The following SCNN1B variants were observed in gnomAD, a reference collection of about 807,000 sequenced individuals.
SCNN1B encodes sodium channel epithelial 1 subunit beta, also known as epithelial sodium channel subunit beta.
Under a neutral mutation model 65.3 loss-of-function variants are expected in SCNN1B, and 46 were observed. The observed-to-expected ratio is 0.70, with a 90% confidence interval of 0.56 to 0.90. The LOEUF (loss-of-function observed/expected upper bound fraction) is 0.90. SCNN1B is among the 40% of genes least tolerant of loss of function. The probability of loss-of-function intolerance (pLI) is 0.00; values close to 1 mark genes in which losing one functional copy is unlikely to be tolerated. For missense variants in SCNN1B, 751 were observed against 830.5 expected (o/e 0.90, Z 1.18); for synonymous variants, 349 against 330.6 (o/e 1.06, Z -0.60).
At chr16:23,289,465 C>T (rs552909510) in intron 2 of SCNN1B, among the ~76,000 whole-genome samples, 1 of 151,734 alleles carries the variant, frequency 6.6e-6, no homozygotes, top group Non-Finnish European at 1.5e-5. Context: ...GCTGGAGGAT[C>T]GATTAAGCCC....
chr16:23,295,951 A>G (rs1960991031), intron 2 of SCNN1B, among the ~76,000 whole-genome samples: 2 of 152,180 alleles, frequency 1.3e-5, no homozygotes, highest in Admixed American at 1.3e-4. Flanking sequence ...ATGGAAAAGT[A>G]TGCGCTCTGA....
chr16:23,283,675 T>C (rs1157732893), intron 1 of SCNN1B: 1 of 145,562 alleles, frequency 6.9e-6, no homozygotes, highest in Non-Finnish European at 1.6e-5. Flanking sequence ...ACAAAACCAT[T>C]GTAGGCAATT....
At chr16:23,314,045 G>A (rs1247875919) in intron 1 of SCNN1B, among the ~76,000 whole-genome samples, 2 of 151,960 alleles carry the variant, frequency 1.3e-5, no homozygotes, top group Admixed American at 1.3e-4. Context: ...GTTGAGATAG[G>A]GTCTCACTCT....
intron 4 of SCNN1B, among the ~76,000 whole-genome samples, chr16:23,356,896 A>G (rs764835204): frequency 6.6e-6 from 1 of 152,086 alleles, no homozygotes; most frequent in Non-Finnish European, 1.5e-5. Flanking sequence ...ATCCCCTCCT[A>G]ACAGCCTCCA....
chr16:23,301,277 G>A (rs1189494115), upstream of SCNN1B, among the ~76,000 whole-genome samples: 1 of 151,248 alleles, frequency 6.6e-6, no homozygotes, highest in Non-Finnish European at 1.5e-5. Flanking sequence ...CAGGAGAATT[G>A]CTTGATTCCG....
chr16:23,299,076 TC>T (rs1326952586), upstream of SCNN1B, among the ~76,000 whole-genome samples: 7 of 149,994 alleles, frequency 4.7e-5, no homozygotes, highest in African/African-American at 9.8e-5. Context: ...TTTTTTTTTT[TC>T]GAGATTGAGT....
chr16:23,352,745 T>G, intron 2 of SCNN1B, 56 bp from the exon 3 acceptor site: 1 of 1,596,390 alleles, frequency 6.3e-7, no homozygotes, highest in Non-Finnish European at 8.6e-7. Context: ...AGATTTCATT[T>G]GCTCTGCTTT....
At chr16:23,340,687 T>C (rs1257364328) in intron 1 of SCNN1B, among the ~76,000 whole-genome samples, 1 of 152,074 alleles carries the variant, frequency 6.6e-6, no homozygotes, top group Non-Finnish European at 1.5e-5. Flanking sequence ...TGAGCCACCA[T>C]GCCTGGCCAA....
chr16:23,282,210 T>A (rs1313225806), intron 1 of SCNN1B, among the ~76,000 whole-genome samples: 1 of 152,076 alleles, frequency 6.6e-6, no homozygotes, highest in African/African-American at 2.4e-5. Flanking sequence ...CTTGTACCCA[T>A]AAATCCATAA....
chr16:23,313,659 T>G (rs909765658), intron 1 of SCNN1B, among the ~76,000 whole-genome samples: 1 of 152,240 alleles, frequency 6.6e-6, no homozygotes, highest in African/African-American at 2.4e-5. Context: ...TTCACCAGGC[T>G]GGAGTGCAGT....
At chr16:23,329,368 G>A (rs56750879) in intron 1 of SCNN1B, among the ~76,000 whole-genome samples, 10,580 of 152,014 alleles carry the variant, frequency 0.07, 1,235 homozygotes, top group African/African-American at 0.24. Context: ...CTCCCACCTC[G>A]GCCTCCCAAA....
chr16:23,367,291 G>T (rs1012087102), intron 4 of SCNN1B, among the ~76,000 whole-genome samples: 1 of 151,948 alleles, frequency 6.6e-6, no homozygotes, highest in Admixed American at 6.6e-5. Context: ...TTTCATTTTT[G>T]TTGTTGTTGT....
intron 1 of SCNN1B, among the ~76,000 whole-genome samples, chr16:23,306,691 T>G (rs1434105423): frequency 1.3e-5 from 2 of 152,182 alleles, no homozygotes; most frequent in Non-Finnish European, 2.9e-5. Flanking sequence ...GCATAGGAGT[T>G]CTTCTGGAGC....
chr16:23,379,864 C>T (rs530338005), intron 11 of SCNN1B, among the ~76,000 whole-genome samples: 22 of 152,300 alleles, frequency 1.4e-4, no homozygotes, highest in Non-Finnish European at 2.9e-4. Context: ...TTGGACCTCC[C>T]CACTCACGGG....
intron 1 of SCNN1B, among the ~76,000 whole-genome samples, chr16:23,315,237 T>C (rs1294997052): frequency 1.3e-5 from 2 of 152,038 alleles, no homozygotes; most frequent in African/African-American, 4.8e-5. Context: ...CTCAGGAGGC[T>C]GAGGCAGGAG....
intron 1 of SCNN1B, among the ~76,000 whole-genome samples, chr16:23,307,321 T>C (rs1023964996): frequency 1.5e-4 from 18 of 123,664 alleles, no homozygotes; most frequent in African/African-American, 5.6e-4. Context: ...TTTTTGGTGG[T>C]TGTGGGGTGG....
At chr16:23,342,666 GA>G (rs112725905) in intron 1 of SCNN1B, among the ~76,000 whole-genome samples, 22,976 of 148,468 alleles carry the variant, frequency 0.15, 1,818 homozygotes, top group Middle Eastern at 0.19. Flanking sequence ...GATGAGCTAA[GA>G]AAAAAAAAAA....
chr16:23,360,896 A>G (rs1008776694), intron 4 of SCNN1B, among the ~76,000 whole-genome samples: 9 of 151,396 alleles, frequency 5.9e-5, no homozygotes, highest in African/African-American at 1.9e-4. Context: ...CCGGGTTCAT[A>G]CCATTCTCCT....
chr16:23,369,897 C>G (rs1035398783), intron 5 of SCNN1B, among the ~76,000 whole-genome samples: 1 of 152,200 alleles, frequency 6.6e-6, no homozygotes, highest in Non-Finnish European at 1.5e-5. Context: ...GTACCTCCAT[C>G]ATGCAGCCCT....
Sources: allele counts gnomAD v4.1 joint callset (sites outside exome capture counted in the v4.1 genomes callset), GRCh38; gene constraint gnomAD v4.1.1; transcripts MANE v1.5; gene names NCBI Gene and HGNC (gene_info 2026-07-23, HGNC 2026-07-21).